The following ABLIM1 variants were observed in gnomAD, a reference collection of about 807,000 sequenced individuals.
The protein encoded by ABLIM1 is actin-binding LIM protein 1.
ABLIM1 carries 40 observed loss-of-function variants against 107.0 expected under a neutral mutation model. The ratio of observed to expected loss-of-function variants is 0.37; its 90% CI spans 0.29 to 0.49. The LOEUF is 0.49. Ranked by LOEUF, ABLIM1 falls within the 20% of genes least tolerant of loss-of-function variation. The pLI is 0.97. For synonymous variants in ABLIM1, 357 were observed against 357.3 expected (o/e 1.00, Z 0.01); for missense variants, 857 against 1,008.5 (o/e 0.85, Z 2.04).
rs531628426 is a variant in ABLIM1 at position 114,453,406 on chromosome 10, G to C, written c.1519C>G (p.Gln507Glu). 1 of 1,614,118 alleles carries C rather than the reference G, an allele frequency of 6.2e-7. No homozygotes were observed. The highest frequency in any genetic ancestry group is 1.1e-5 in the South Asian group (1 of 91,054). Residue 507 changes from glutamine to glutamate, a missense_variant, in exon 13 of 23, where the codon CAG becomes GAG. Around this residue, in one of 5 missense-constraint regions of ABLIM1, gnomAD observed 381 missense variants for 506.9 expected, o/e 0.75. Coordinates refer to ENST00000533213, the MANE Select transcript of ABLIM1 (RefSeq NM_002313.7). ...GGAACATGGAAATGTTTAGGGGCCTGAGCGTAAGTTGGAGTTAGAGGGCGG... is the reference window on the plus strand; with the variant it reads ...GGAACATGGAAATGTTTAGGGGCCTCAGCGTAAGTTGGAGTTAGAGGGCGG... ...DSRPLTPTYA[Q>E]APKHFHVPDQ...
intron 6 of ABLIM1, among the ~76,000 whole-genome samples, chr10:114,495,314 AC>A (rs773531603): frequency 2.6e-5 from 4 of 152,212 alleles, no homozygotes; most frequent in Non-Finnish European, 5.9e-5. Context: ...CCCAGCCCGT[AC>A]TGGAAATGGG....
intron 3 of ABLIM1, among the ~76,000 whole-genome samples, chr10:114,571,974 C>T (rs966157219): frequency 2.6e-5 from 4 of 152,184 alleles, no homozygotes; most frequent in Non-Finnish European, 5.9e-5. Flanking sequence ...ATGGGACAGG[C>T]TGTAAATATC....
chr10:114,744,964 C>T (rs2082353348), intron 1 of ABLIM1, among the ~76,000 whole-genome samples: 1 of 152,138 alleles, frequency 6.6e-6, no homozygotes, highest in Admixed American at 6.6e-5. Context: ...GTTATTTGCA[C>T]TCCAAAACCT....
At chr10:114,577,048 T>C (rs2072679045) in intron 2 of ABLIM1, among the ~76,000 whole-genome samples, 1 of 152,138 alleles carries the variant, frequency 6.6e-6, no homozygotes, top group Non-Finnish European at 1.5e-5. Context: ...TCATTCTGAT[T>C]GCAAATTCCT....
chr10:114,579,838 C>T (rs2073134564), intron 2 of ABLIM1, among the ~76,000 whole-genome samples: 1 of 152,130 alleles, frequency 6.6e-6, no homozygotes, highest in African/African-American at 2.4e-5. Flanking sequence ...TAGAAGTTCA[C>T]CTTTAATCAC....
rs947743024 is a variant in ABLIM1, at chr10:114,473,117, C to T, written c.1135G>A (p.Glu379Lys). The T allele has an allele frequency of 1.5e-5, 24 of 1,610,282 alleles. 1 individual carries two copies. The South Asian group carries it at 2.0e-4, about 13-fold the overall frequency. ...GCTAAATCCTTGTAATCCAGGATCT[C>T]ATTGTCTACTTTTGCCTGGCAAAGT... is the stretch of plus-strand genomic sequence containing the variant. ...GHTIYAKVDNEILDYKDLAAI... is the reference protein window; with the variant it reads ...GHTIYAKVDNKILDYKDLAAI... Residue 379 changes from glutamate to lysine, a missense_variant, in exon 10 of 23, where the codon GAG (glutamate) becomes AAG (lysine). Physicochemically the swap from Glu to Lys is moderately conservative, Grantham distance 56. This residue lies in a region of ABLIM1 where 381 missense variants were observed against 506.9 expected (regional missense o/e 0.75). Transcript: ENST00000533213.
chr10:114,627,921 G>A (rs941818748), intron 1 of ABLIM1, among the ~76,000 whole-genome samples: 3 of 152,024 alleles, frequency 2.0e-5, no homozygotes, highest in Non-Finnish European at 4.4e-5. Flanking sequence ...TCAGCAGTTC[G>A]AGACCAGCCT....
chr10:114,739,266 T>C lies in ABLIM1; in HGVS notation c.-213+28795A>G, dbSNP rs570059185. ...ATGTAAATGTCAAATTTTGATTGTG[T>C]AAAAGTAGTGACAGAACTGATGGAG... On this transcript the variant is annotated intron_variant, in intron 1 of 15. Coordinates refer to the ABLIM1 transcript ENST00000651092. Among the ~76,000 whole-genome samples, 7 of 152,138 alleles carry C rather than the reference T, an allele frequency of 4.6e-5. No individual in the cohort carries two copies. In the South Asian group the frequency reaches 1.5e-3, roughly 32 times the overall value.
chr10:114,462,960 T>C, intron 12 of ABLIM1: 1 of 1,279,704 alleles, frequency 7.8e-7, no homozygotes, highest in Non-Finnish European at 1.0e-6. Context: ...GCACTAACTC[T>C]TGGAGATACA....
Position 114,624,903 on chromosome 10 carries a change from C to T in ABLIM1, c.245-22942G>A, listed in dbSNP as rs766815425. Among the ~76,000 whole-genome samples the T allele has an allele frequency of 3.9e-5, 6 of 151,910 alleles. No homozygotes were observed. In the South Asian group the frequency reaches 1.2e-3, roughly 32 times the overall value. On this transcript the variant is annotated intron_variant, in intron 1 of 22. Coordinates refer to ENST00000533213, the MANE Select transcript of ABLIM1 (RefSeq NM_002313.7). ...TAACACTTTCATTTATAAAATAGTA[C>T]AAGCAATTCACACTTGGGTTGCTTT...
In ABLIM1 at chr10:114,468,327, T is replaced by G. The variant is rs570590452; in HGVS notation, c.1276-111A>C. 14 of 1,014,766 alleles carry G rather than the reference T, an allele frequency of 1.4e-5. No homozygotes were observed. In the East Asian group the frequency reaches 2.0e-4, roughly 15 times the overall value. The allele number at this position is 1,014,766 out of a possible 1,614,324, so 62.9% of individuals were successfully genotyped here. On this transcript the variant is annotated intron_variant, in intron 10 of 22. Coordinates refer to ENST00000533213, the MANE Select transcript of ABLIM1 (RefSeq NM_002313.7). The stretch of plus-strand genomic sequence containing the variant: ...TCTCGCTCTGTCGCCCAGGCTGGAG[T>G]GCAGTGGCGCAATCTCGGTTTACTG...
intron 1 of ABLIM1, among the ~76,000 whole-genome samples, chr10:114,620,654 C>T (rs1250034482): frequency 3.6e-4 from 55 of 152,092 alleles, no homozygotes; most frequent in Admixed American, 3.4e-3. Context: ...TCAAGTGATC[C>T]GCCCACCTCA....
intron 1 of ABLIM1, among the ~76,000 whole-genome samples, chr10:114,635,191 C>A (rs2078417507): frequency 6.6e-6 from 1 of 152,212 alleles, no homozygotes; most frequent in South Asian, 2.1e-4. Flanking sequence ...GACCCATTGC[C>A]TCCTTCTCAT....
intron 1 of ABLIM1, among the ~76,000 whole-genome samples, chr10:114,638,418 G>C (rs944129388): frequency 6.6e-6 from 1 of 152,060 alleles, no homozygotes; most frequent in Non-Finnish European, 1.5e-5. Context: ...ACCATTAGAG[G>C]CCAGTATGTG....
Position 114,437,652 on chromosome 10 carries a change from T to A in ABLIM1, c.2223+192A>T, listed in dbSNP as rs188912388. Among the ~76,000 whole-genome samples the A allele has an allele frequency of 2.4e-3, 368 of 152,344 alleles. 2 individuals carry two copies. The highest frequency in any genetic ancestry group is 3.9e-3 in the Non-Finnish European group (268 of 68,028). ...ATTCTTCTGGATATTACCAGGCATT[T>A]TTATGCTGATCTAAGTGAAAACCTG... On this transcript the variant is annotated intron_variant, in intron 22 of 22. Transcript: ENST00000533213.
At chr10:114,770,735 CGAATTGAATTTGTTCT>C (rs1371210395), upstream of ABLIM1, among the ~76,000 whole-genome samples, 1 of 152,108 alleles carries the variant, frequency 6.6e-6, no homozygotes, top group African/African-American at 2.4e-5. Flanking sequence ...CCAGTCTTGT[CGAATTGAATTTGTTCT>C]GGAAGTATAC....
Position 114,575,581 on chromosome 10 carries a change from G to A in ABLIM1, c.398C>T (p.Ala133Val). Residue 133 changes from alanine to valine, a missense_variant, in exon 3 of 23, where the codon GCA becomes GTA. Around this residue, in one of 5 missense-constraint regions of ABLIM1, gnomAD observed 176 missense variants for 173.5 expected, o/e 1.01. Coordinates refer to ENST00000533213, the MANE Select transcript of ABLIM1 (RefSeq NM_002313.7). ...FTCKVCGCDL[A>V]QGGFFIKNGE... The stretch of plus-strand genomic sequence containing the variant: ...GTTCTTTATGAAGAAGCCCCCTTGT[G>A]CCAGGTCACAGCCACACACTGTAGA... 1 of 1,613,818 alleles carries A rather than the reference G, an allele frequency of 6.2e-7. No homozygotes were observed. The highest frequency in any genetic ancestry group is 8.5e-7 in the Non-Finnish European group (1 of 1,179,832).
intron 1 of ABLIM1, among the ~76,000 whole-genome samples, chr10:114,633,997 C>G (rs1254420474): frequency 6.6e-6 from 1 of 151,878 alleles, no homozygotes; most frequent in Non-Finnish European, 1.5e-5. Context: ...TTCCTTCCCC[C>G]ACACCAGCCC....
intron 7 of ABLIM1, among the ~76,000 whole-genome samples, chr10:114,489,981 C>A (rs928368157): frequency 2.0e-5 from 3 of 152,238 alleles, no homozygotes; most frequent in African/African-American, 7.2e-5. Flanking sequence ...CAGAACCACT[C>A]TGAATTGCAG....
Sources: allele counts gnomAD v4.1 joint callset (sites outside exome capture counted in the v4.1 genomes callset), GRCh38; gene constraint gnomAD v4.1.1; regional missense constraint gnomAD v4.1.1; transcripts MANE v1.5; gene names NCBI Gene and HGNC (gene_info 2026-07-23, HGNC 2026-07-21).